UNC13D: variants seen among roughly 807,000 people sequenced by gnomAD.
The protein encoded by UNC13D is unc-13 homolog D.
UNC13D carries 115 observed loss-of-function variants against 151.7 expected under a neutral mutation model. That is an observed-to-expected ratio of 0.76 (90% confidence interval 0.65 to 0.88). The LOEUF (loss-of-function observed/expected upper bound fraction) is 0.88. Among genes scored for constraint, UNC13D ranks in the 40% least tolerant of loss-of-function variants. UNC13D has a pLI of 0.00. For missense variants in UNC13D, 1,369 were observed against 1,438.7 expected (o/e 0.95, Z 0.78); for synonymous variants, 588 against 612.2 (o/e 0.96, Z 0.58).
At position 75,840,371 on chromosome 17, in the gene UNC13D, A is replaced by G; in HGVS notation, c.754-42T>C. 1 of 1,610,056 alleles carries G rather than the reference A, an allele frequency of 6.2e-7. No homozygotes were observed. The highest frequency in any genetic ancestry group is 8.5e-7 in the Non-Finnish European group (1 of 1,177,458). On this transcript the variant is annotated intron_variant, in intron 9 of 31. Coordinates refer to ENST00000207549, the MANE Select transcript of UNC13D (RefSeq NM_199242.3). This position sits in a 1 kb window ranked among gnomAD's most constrained non-coding sequence, Gnocchi z 4.6. ...CCCAGCCCGTGAGCGTCAGAACCTCATAGAGTCGGGGCAGCGGAGGCGACA... is the reference window on the plus strand; with the variant it reads ...CCCAGCCCGTGAGCGTCAGAACCTCGTAGAGTCGGGGCAGCGGAGGCGACA...
chr17:75,842,989 CA>C (rs1368814566), intron 4 of UNC13D, 24 bp downstream of exon 4: 5 of 1,612,768 alleles, frequency 3.1e-6, no homozygotes, highest in African/African-American at 2.7e-5. Flanking sequence ...CCTCCTTGCC[CA>C]GGGGGACCCT....
chr17:75,843,391 A>C (rs1377459285), intron 2 of UNC13D, 93 bp downstream of exon 2: 5 of 1,567,136 alleles, frequency 3.2e-6, no homozygotes, highest in Admixed American at 3.8e-5. Context: ...TCCCCTCCCC[A>C]CCGCAAGTTG....
chr17:75,837,086 G>C (rs2064914713), intron 12 of UNC13D, among the ~76,000 whole-genome samples, 168 bp from the exon 13 acceptor site: 1 of 150,446 alleles, frequency 6.6e-6, no homozygotes, highest in African/African-American at 2.5e-5. Context: ...TTTTTTTTGA[G>C]ATGTAGTCTC....
Position 75,828,838 on chromosome 17 carries a change from G to C in UNC13D, c.3100C>G (p.Pro1034Ala). The C allele has an allele frequency of 1.3e-6, 2 of 1,575,938 alleles. No homozygotes were observed. Among genetic ancestry groups the C allele is most frequent in the Non-Finnish European group, 1.7e-6 (2 of 1,163,356 alleles). ...AGGCGGGTCTGAGGCACCTCACCAG[G>C]CTCCTCAGAGCCACTCAGCCCGGGC... ...EVPGLSGSEE[P>A]GEVPQTRLPL... Residue 1034 changes from proline to alanine, a missense_variant, in exon 31 of 32, where the codon CCT (proline) becomes GCT (alanine). Transcript: ENST00000207549.
At chr17:75,837,255 G>A (rs2064915804) in intron 12 of UNC13D, among the ~76,000 whole-genome samples, 1 of 150,936 alleles carries the variant, frequency 6.6e-6, no homozygotes, top group Non-Finnish European at 1.5e-5. Context: ...TAGTAGAGAT[G>A]GGGTTTCACC....
At position 75,828,781 on chromosome 17, in the gene UNC13D, G is replaced by C; in HGVS notation, c.3151+6C>G. 1 of 1,532,930 alleles carries C rather than the reference G, an allele frequency of 6.5e-7. No homozygotes were observed. The highest frequency in any genetic ancestry group is 1.4e-5 in the African/African-American group (1 of 73,018). 95.0% of individuals were successfully genotyped at this position (1,532,930 alleles called of 1,614,324 possible). ...CCGCACCACCCTGCCCTGGGCTCAG[G>C]CCTACCGTTGGGTGCGGGGTACGTG... On this transcript the variant is annotated splice_donor_region_variant and intron_variant, in intron 31 of 31. Coordinates refer to ENST00000207549, the MANE Select transcript of UNC13D (RefSeq NM_199242.3).
rs778130033 is a variant in UNC13D, at chr17:75,834,934, C to G, written c.1978G>C (p.Val660Leu). 1 of 1,614,038 alleles carries G rather than the reference C, an allele frequency of 6.2e-7. No individual in the cohort carries two copies. The highest frequency in any genetic ancestry group is 1.7e-5 in the Admixed American group (1 of 60,024). ...AGATGCCGCACCTCCACAAACTTGA[C>G]GGTAATCATGAAGGCCTCCTCTGGG... ...PDPEEAFMIT[V>L]KFVEDTCRLA... The change falls in exon 21 of 32, where the codon GTC (valine) becomes CTC (leucine). Residue 660 changes from valine (V) to leucine (L), a missense_variant. Physicochemically the swap from Val to Leu is conservative, Grantham distance 32. Transcript: ENST00000207549.
rs939523174 is a variant in UNC13D at position 75,832,097 on chromosome 17, A to C, written c.2448-749T>G. ...GCGCCACTGCACTCCAGCCTGGGCG[A>C]CAGAGCGAGACTCCGTCTCAAAAAA... On this transcript the variant is annotated intron_variant, in intron 25 of 31. Coordinates refer to ENST00000207549, the MANE Select transcript of UNC13D (RefSeq NM_199242.3). The surrounding 1 kb of genome is among the most constrained non-coding windows in gnomAD (Gnocchi z 4.3). 2.6e-5 allele frequency: 4 copies of C among 152,336 alleles called. No individual in the cohort carries two copies. The highest frequency in any genetic ancestry group is 7.2e-5 in the African/African-American group (3 of 41,468). 9.4% of individuals were successfully genotyped at this position (152,336 alleles called of 1,614,324 possible).
In UNC13D at chr17:75,840,642, C is replaced by A. The variant is rs1406937822; in HGVS notation, c.684-66G>T. On this transcript the variant is annotated intron_variant, in intron 8 of 31. Transcript: ENST00000207549. The surrounding 1 kb of genome is among the most constrained non-coding windows in gnomAD (Gnocchi z 4.6). The stretch of plus-strand genomic sequence containing the variant: ...TCGGAAGGGATTAGGCTGGAATCCA[C>A]CCCCGGCCGCAGCCACCTGGACCCC... 22 of 1,610,800 alleles carry A rather than the reference C, an allele frequency of 1.4e-5. No individual in the cohort carries two copies. Among genetic ancestry groups the A allele is most frequent in the Non-Finnish European group, 1.9e-5 (22 of 1,177,450 alleles).
In UNC13D at chr17:75,840,528, C is replaced by G. The variant is rs778403476; in HGVS notation, c.732G>C (p.Gly244=). 1.2e-6 allele frequency: 2 copies of G among 1,613,850 alleles called. No homozygotes were observed. Among genetic ancestry groups the G allele is most frequent in the African/African-American group, 2.7e-5 (2 of 74,908 alleles). The part of the protein sequence containing the change: ...RKDKGQDDFL[G]NVVLRLQDLR... ...TCACCTGCAGCCTCAGAACCACGTT[C>G]CCCAGAAAGTCGTCCTGGCCTTTGT... is the stretch of plus-strand genomic sequence containing the variant. The change falls in exon 9 of 32, where the codon GGG becomes GGC. Residue 244 remains glycine (G), a synonymous_variant. Coordinates refer to ENST00000207549, the MANE Select transcript of UNC13D (RefSeq NM_199242.3). The surrounding 1 kb of genome is among the most constrained non-coding windows in gnomAD (Gnocchi z 4.6).
chr17:75,832,974 G>C lies in UNC13D; in HGVS notation c.2439C>G (p.Asn813Lys). 2.5e-6 allele frequency: 4 copies of C among 1,586,958 alleles called. No individual in the cohort carries two copies. The highest frequency in any genetic ancestry group is 3.4e-6 in the Non-Finnish European group (4 of 1,167,232). ...CYMNTNLVQE[N>K]FSSLLTLLWT... is the part of the protein sequence containing the mutation. Reference sequence around the variant, plus strand: ...CAGGGGCTGCTACAGACCTGCTGAAGTTCTCCTGCACCAAGTTGGTGTTCA... The same window carrying C: ...CAGGGGCTGCTACAGACCTGCTGAACTTCTCCTGCACCAAGTTGGTGTTCA... Residue 813 changes from asparagine (N) to lysine (K), a missense_variant, in exon 25 of 32, where the codon AAC becomes AAG. Around this residue, in one of 3 missense-constraint regions of UNC13D, gnomAD observed 807 missense variants for 795.5 expected, o/e 1.01. Transcript: ENST00000207549. This position sits in a 1 kb window ranked among gnomAD's most constrained non-coding sequence, Gnocchi z 4.3.
chr17:75,828,841 C>T lies in UNC13D; in HGVS notation c.3097G>A (p.Glu1033Lys). 6.3e-7 allele frequency: 1 copy of T among 1,579,098 alleles called. No homozygotes were observed. The highest frequency in any genetic ancestry group is 1.1e-5 in the South Asian group (1 of 87,908). Reference protein sequence around the residue: ...REVPGLSGSEEPGEVPQTRLP... With the variant: ...REVPGLSGSEKPGEVPQTRLP... ...CGGGTCTGAGGCACCTCACCAGGCT[C>T]CTCAGAGCCACTCAGCCCGGGCACC... The change falls in exon 31 of 32, where the codon GAG becomes AAG. Residue 1033 changes from glutamate (E) to lysine (K), a missense_variant. Physicochemically the swap from Glu to Lys is moderately conservative, Grantham distance 56 (BLOSUM62 1). Around this residue, in one of 3 missense-constraint regions of UNC13D, gnomAD observed 807 missense variants for 795.5 expected, o/e 1.01. Transcript: ENST00000207549.
At position 75,835,854 on chromosome 17, in the gene UNC13D, C is replaced by G. The variant is rs933702160; in HGVS notation, c.1596+1G>C. 2.5e-6 allele frequency: 4 copies of G among 1,614,036 alleles called. No homozygotes were observed. The East Asian group carries it at 8.9e-5, about 36-fold the overall frequency. ...GCCCTAGAGACGGGGGAGGGACTCA[C>G]CAGCCACTGCAGCTCCCGGAAAGCC... On this transcript the variant is annotated splice_donor_variant, in intron 18 of 31. Coordinates refer to ENST00000207549, the MANE Select transcript of UNC13D (RefSeq NM_199242.3). LOFTEE classifies it high-confidence loss of function.
At position 75,840,721 on chromosome 17, in the gene UNC13D, A is replaced by T; in HGVS notation, c.683+41T>A. ...TGCATGTTGGGGGATGGAGGGCAAA[A>T]GGAGCCCCAACCCCTTCCCTGTGAG... On this transcript the variant is annotated intron_variant, in intron 8 of 31. Transcript: ENST00000207549. The surrounding 1 kb of genome is among the most constrained non-coding windows in gnomAD (Gnocchi z 4.6). 1 of 1,613,168 alleles carries T rather than the reference A, an allele frequency of 6.2e-7. No individual in the cohort carries two copies. Among genetic ancestry groups the T allele is most frequent in the Non-Finnish European group, 8.5e-7 (1 of 1,179,500 alleles).
chr17:75,840,284 T>C lies in UNC13D; in HGVS notation c.799A>G (p.Thr267Ala). 6.2e-7 allele frequency: 1 copy of C among 1,613,910 alleles called. No individual in the cohort carries two copies. Among genetic ancestry groups the C allele is most frequent in the East Asian group, 2.2e-5 (1 of 44,886 alleles). The change falls in exon 10 of 32, where the codon ACT (threonine) becomes GCT (alanine). Residue 267 changes from threonine (T) to alanine (A), a missense_variant. Physicochemically the swap from Thr to Ala is moderately conservative, Grantham distance 58. This residue lies in a region of UNC13D where 550 missense variants were observed against 609.0 expected (regional missense o/e 0.90). Transcript: ENST00000207549. The surrounding 1 kb of genome is among the most constrained non-coding windows in gnomAD (Gnocchi z 4.6). ...TGGCCTCGGTCTGGGTAGGTCTCAG[T>C]GCGGGGTTCCAGGGGGTACCACTGG... ...EDQWYPLEPRTETYPDRGQCH... is the reference protein window; with the variant it reads ...EDQWYPLEPRAETYPDRGQCH...
At position 75,834,380 on chromosome 17, in the gene UNC13D, G is replaced by A. The variant is rs375724532; in HGVS notation, c.2243C>T (p.Ala748Val). ...QNTLHAQLQS[A>V]LAGLGHEIRT... ...GATCTCATGGCCCAGCCCGGCCAGC[G>A]CGCTCTGCAGCTGGGCATGCAGCGT... The change falls in exon 23 of 32, where the codon GCG becomes GTG. Residue 748 changes from alanine to valine, a missense_variant. Physicochemically the swap from Ala to Val is moderately conservative, Grantham distance 64. Around this residue, in one of 3 missense-constraint regions of UNC13D, gnomAD observed 807 missense variants for 795.5 expected, o/e 1.01. Coordinates refer to ENST00000207549, the MANE Select transcript of UNC13D (RefSeq NM_199242.3). 8.8e-5 allele frequency: 140 copies of A among 1,591,872 alleles called. 1 individual carries two copies. Among genetic ancestry groups the A allele is most frequent in the East Asian group, 3.4e-4 (15 of 44,526 alleles).
chr17:75,830,784 G>A, intron 27 of UNC13D, 123 bp from the exon 28 acceptor site: 1 of 1,245,280 alleles, frequency 8.0e-7, no homozygotes, highest in East Asian at 2.5e-5. Context: ...ATTGGGTCAT[G>A]GGACAACGGG....
chr17:75,831,488 C>T (rs1274177991), intron 25 of UNC13D, 140 bp from the exon 26 acceptor site: 1 of 741,658 alleles, frequency 1.3e-6, no homozygotes, highest in East Asian at 2.7e-5. Flanking sequence ...CCCCCTCCGC[C>T]TCCCACCCCA....
chr17:75,834,805 G>C (rs1457191476), intron 21 of UNC13D, 89 bp from the exon 22 acceptor site: 5 of 1,607,790 alleles, frequency 3.1e-6, no homozygotes, highest in Non-Finnish European at 4.2e-6. Context: ...CAGCGACTTG[G>C]GGGATTTAGA....
Sources: allele counts gnomAD v4.1 joint callset (sites outside exome capture counted in the v4.1 genomes callset), GRCh38; gene constraint gnomAD v4.1.1; regional missense constraint gnomAD v4.1.1; non-coding constraint Gnocchi (gnomAD v3.1); transcripts MANE v1.5; gene names NCBI Gene and HGNC (gene_info 2026-07-23, HGNC 2026-07-21).